DOK6: variants seen among roughly 807,000 people sequenced by gnomAD.
DOK6 encodes docking protein 6, also known as downstream of tyrosine kinase 6.
In DOK6, 22 loss-of-function variants were observed where a neutral mutation model predicts 44.0. The observed-to-expected ratio is 0.50, with a 90% CI of 0.36 to 0.71. The LOEUF is 0.71. Among genes scored for constraint, DOK6 ranks in the 30% least tolerant of loss-of-function variants. DOK6 has a pLI of 0.00. For synonymous variants in DOK6, 166 were observed against 145.5 expected, an observed-to-expected ratio of 1.14 and a Z score of -1.01; for missense variants, 340 against 416.4, an observed-to-expected ratio of 0.82 and a Z score of 1.60.
At chr18:69,547,917 TATATATA>T (rs1156260869) in intron 1 of DOK6, among the ~76,000 whole-genome samples, 6 of 145,624 alleles carry the variant, frequency 4.1e-5, no homozygotes, top group South Asian at 4.3e-4. Flanking sequence ...CCATTGTATC[TATATATA>T]ATATATAATA....
chr18:69,672,580 A>G (rs990126028), intron 3 of DOK6, among the ~76,000 whole-genome samples: 1 of 151,436 alleles, frequency 6.6e-6, no homozygotes, highest in Non-Finnish European at 1.5e-5. Flanking sequence ...CTGGTCTCAA[A>G]CTCCTGATCT....
chr18:69,562,554 A>G (rs1462200665), intron 1 of DOK6, among the ~76,000 whole-genome samples: 2 of 152,322 alleles, frequency 1.3e-5, no homozygotes, highest in East Asian at 1.9e-4. Flanking sequence ...CGAGGAAAGC[A>G]TTCCCTATTT....
chr18:69,826,717 G>C (rs969949336), intron 7 of DOK6, among the ~76,000 whole-genome samples: 4 of 152,102 alleles, frequency 2.6e-5, no homozygotes, highest in Non-Finnish European at 4.4e-5. Flanking sequence ...AAGTTATTTA[G>C]ATTTCAGATT....
At chr18:69,583,179 G>A (rs1183959474) in intron 2 of DOK6, among the ~76,000 whole-genome samples, 2 of 152,154 alleles carry the variant, frequency 1.3e-5, no homozygotes, top group African/African-American at 2.4e-5. Flanking sequence ...GGTATGTGAG[G>A]ATCTCTGTAT....
chr18:69,406,306 A>G (rs192126330), intron 1 of DOK6, among the ~76,000 whole-genome samples: 170 of 152,200 alleles, frequency 1.1e-3, no homozygotes, highest in African/African-American at 2.5e-3. Context: ...TCTATTGGCA[A>G]TTTTTTTCCT....
chr18:69,442,524 G>A (rs937358055), intron 1 of DOK6, among the ~76,000 whole-genome samples: 2 of 152,086 alleles, frequency 1.3e-5, no homozygotes, highest in African/African-American at 4.8e-5. Context: ...CAGCATGGGG[G>A]AACTGCCCCC....
At chr18:69,447,518 G>C (rs1031052536) in intron 1 of DOK6, among the ~76,000 whole-genome samples, 4 of 152,128 alleles carry the variant, frequency 2.6e-5, no homozygotes, top group Non-Finnish European at 5.9e-5. Flanking sequence ...TTTTGGCTTA[G>C]GATTGTCTTG....
At chr18:69,448,775 A>G (rs1268246761) in intron 1 of DOK6, among the ~76,000 whole-genome samples, 2 of 152,236 alleles carry the variant, frequency 1.3e-5, no homozygotes, top group Non-Finnish European at 2.9e-5. Context: ...ATATTTGTAA[A>G]TAAATGTTAG....
At chr18:69,565,521 GTATATATA>G (rs67342514) in intron 2 of DOK6, among the ~76,000 whole-genome samples, 58 of 3,166 alleles carry the variant, frequency 0.018, no homozygotes, top group Admixed American at 0.14. Context: ...GTGTGTGTGT[GTATATATA>G]TATACATAAT....
chr18:69,610,874 G>A (rs962177884), intron 3 of DOK6, among the ~76,000 whole-genome samples: 21 of 152,130 alleles, frequency 1.4e-4, no homozygotes, highest in African/African-American at 5.1e-4. Flanking sequence ...TGGTATTTGA[G>A]GGTCAGAGAA....
At chr18:69,525,035 T>G (rs900001849) in intron 1 of DOK6, among the ~76,000 whole-genome samples, 2 of 151,794 alleles carry the variant, frequency 1.3e-5, no homozygotes, top group Non-Finnish European at 2.9e-5. Flanking sequence ...ATAAAAATAT[T>G]TTCTGAATTT....
At chr18:69,473,951 G>A (rs184671545) in intron 1 of DOK6, among the ~76,000 whole-genome samples, 1 of 148,442 alleles carries the variant, frequency 6.7e-6, no homozygotes, top group Non-Finnish European at 1.5e-5. Flanking sequence ...TTTCCCCCAT[G>A]CACCCAAGCT....
At chr18:69,614,571 T>G (rs1984240667) in intron 3 of DOK6, among the ~76,000 whole-genome samples, 2 of 150,886 alleles carry the variant, frequency 1.3e-5, no homozygotes, top group African/African-American at 4.9e-5. Flanking sequence ...TGTGTGTGTG[T>G]GTGTTAAGAA....
intron 1 of DOK6, among the ~76,000 whole-genome samples, chr18:69,463,603 C>T (rs889855796): frequency 1.3e-5 from 2 of 152,006 alleles, no homozygotes; most frequent in African/African-American, 4.8e-5. Context: ...AGAGCACTTC[C>T]AGTTCTATTG....
chr18:69,565,831 C>T (rs182452819), intron 2 of DOK6, among the ~76,000 whole-genome samples: 3 of 152,202 alleles, frequency 2.0e-5, no homozygotes, highest in African/African-American at 7.2e-5. Flanking sequence ...TCATAAACAG[C>T]CAGCATAATA....
At chr18:69,486,100 C>T (rs890125814) in intron 1 of DOK6, among the ~76,000 whole-genome samples, 3 of 151,620 alleles carry the variant, frequency 2.0e-5, no homozygotes, top group African/African-American at 7.3e-5. Flanking sequence ...GGTTTCAGTT[C>T]CTTTTTTAAT....
chr18:69,649,298 G>A (rs946790330), intron 3 of DOK6, among the ~76,000 whole-genome samples: 1 of 152,268 alleles, frequency 6.6e-6, no homozygotes, highest in East Asian at 1.9e-4. Context: ...TACAATGAAA[G>A]CTTCCTTTCT....
At chr18:69,526,364 A>G (rs1285544314) in intron 1 of DOK6, among the ~76,000 whole-genome samples, 4 of 152,176 alleles carry the variant, frequency 2.6e-5, no homozygotes, top group Non-Finnish European at 4.4e-5. Flanking sequence ...CCTTTCACTT[A>G]GCATAATGCT....
chr18:69,649,423 G>A (rs1462299799), intron 3 of DOK6, among the ~76,000 whole-genome samples: 1 of 152,076 alleles, frequency 6.6e-6, no homozygotes, highest in Non-Finnish European at 1.5e-5. Flanking sequence ...ATGAAAATAG[G>A]GGTATTTTAG....
Sources: gnomAD v4.1 joint callset for allele counts (sites outside exome capture counted in the v4.1 genomes callset) on GRCh38, gnomAD v4.1.1 for gene constraint, MANE v1.5 for transcripts, NCBI Gene and HGNC (gene_info 2026-07-23, HGNC 2026-07-21) for gene names.